The following MAP3K19 variants were observed in gnomAD, a reference collection of about 807,000 sequenced individuals.
The protein encoded by MAP3K19 is SPS1/STE20-related protein kinase YSK4.
Under a neutral mutation model 114.4 loss-of-function variants are expected in MAP3K19, and 91 were observed. That is an observed-to-expected ratio of 0.80 (90% CI 0.67 to 0.95). MAP3K19 has a LOEUF of 0.95. MAP3K19 is among the 40% of genes least tolerant of loss of function. MAP3K19 has a pLI of 0.00. For missense variants in MAP3K19, 1,471 were observed against 1,573.2 expected (o/e 0.94, Z 1.10); for synonymous variants, 518 against 530.5 (o/e 0.98, Z 0.32).
In MAP3K19 at chr2:134,964,630, G is replaced by T; in HGVS notation, c.*220C>A. On this transcript the variant is annotated 3_prime_UTR_variant, in exon 13 of 13. Coordinates refer to ENST00000392915, the MANE Select transcript of MAP3K19 (RefSeq NM_025052.5). ...GTAAACACTGAAATAGTTTTTTGTT[G>T]TTATTAAGAACATGTTTTCTGATAC... is the stretch of plus-strand genomic sequence containing the variant. The T allele has an allele frequency of 2.7e-6, 1 of 363,658 alleles. No individual in the cohort carries two copies. The highest frequency in any genetic ancestry group is 5.1e-6 in the Non-Finnish European group (1 of 197,360). The allele number at this position is 363,658 out of a possible 1,614,324, so 22.5% of individuals were successfully genotyped here.
At chr2:135,024,501 T>G (rs2105378477) in intron 4 of MAP3K19, 125 bp downstream of exon 4, 1 of 895,026 alleles carries the variant, frequency 1.1e-6, no homozygotes, top group East Asian at 2.4e-5. Flanking sequence ...ACAGAGTCAC[T>G]GCTCCATAAA....
rs558119207 is a variant in MAP3K19 at position 135,041,350 on chromosome 2, T to C, written c.-423-848A>G. Reference sequence around the variant, plus strand: ...TCCTGCATGGAACCTTTTTTTTTTTTTTAATTTTGAGATAGAGTCTCACTC... The same window carrying C: ...TCCTGCATGGAACCTTTTTTTTTTTCTTAATTTTGAGATAGAGTCTCACTC... On this transcript the variant is annotated intron_variant, in intron 1 of 12. Transcript: ENST00000392915. 8.5e-5 allele frequency among the ~76,000 whole-genome samples: 13 copies of C among 152,050 alleles called. No individual in the cohort carries two copies. The South Asian group carries it at 2.3e-3, about 27-fold the overall frequency.
At chr2:134,967,972 A>G (rs4420752) in intron 12 of MAP3K19, among the ~76,000 whole-genome samples, 145 of 152,018 alleles carry the variant, frequency 9.5e-4, no homozygotes, top group Admixed American at 5.0e-3. Context: ...AAGTGAACAA[A>G]GGTCTCTGGT....
chr2:134,970,619 A>G (rs1402616555), intron 12 of MAP3K19, among the ~76,000 whole-genome samples: 2 of 123,328 alleles, frequency 1.6e-5, no homozygotes, highest in African/African-American at 3.0e-5. Context: ...TTTTTTTTAG[A>G]TGGAGTCTCA....
rs1267803321 is a variant in MAP3K19, at chr2:134,981,186, G to A, written c.3555C>T (p.Arg1185=). The A allele has an allele frequency of 1.9e-5, 30 of 1,613,846 alleles. No individual in the cohort carries two copies. The East Asian group carries it at 2.9e-4, about 16-fold the overall frequency. Residue 1185 remains arginine, a synonymous_variant, in exon 12 of 13, where the codon CGC becomes CGT. Coordinates refer to ENST00000392915, the MANE Select transcript of MAP3K19 (RefSeq NM_025052.5). The part of the protein sequence containing the change: ...AYLHENCVVH[R]DIKGNNVMLM... ...GCATAACATTATTTCCTTTGATATC[G>A]CGATGTACCACACAGTTCTCATGGA...
chr2:135,018,025 C>T (rs749726200), intron 5 of MAP3K19, among the ~76,000 whole-genome samples: 4 of 152,170 alleles, frequency 2.6e-5, no homozygotes, highest in Admixed American at 6.5e-5. Flanking sequence ...GGTACGGTGG[C>T]TCATGCCTGT....
intron 12 of MAP3K19, among the ~76,000 whole-genome samples, chr2:134,974,148 T>G (rs568859139): frequency 5.6e-4 from 86 of 152,214 alleles, no homozygotes; most frequent in African/African-American, 2.0e-3. Flanking sequence ...ATTACAGGCA[T>G]GTACCACCAC....
chr2:134,986,302 G>A lies in MAP3K19; in HGVS notation c.2570C>T (p.Ala857Val). Residue 857 changes from alanine to valine, a missense_variant, in exon 10 of 13, where the codon GCA becomes GTA. Coordinates refer to ENST00000392915, the MANE Select transcript of MAP3K19 (RefSeq NM_025052.5). Reference sequence around the variant, plus strand: ...GTTAGAATTCTTCTCACTGGGCACTGCCCAGCTGTCTTCTGAAGGGATAAA... The same window carrying A: ...GTTAGAATTCTTCTCACTGGGCACTACCCAGCTGTCTTCTGAAGGGATAAA... ...IPFIPSEDSW[A>V]VPSEKNSNKY... 1 of 1,613,984 alleles carries A rather than the reference G, an allele frequency of 6.2e-7. No homozygotes were observed. The highest frequency in any genetic ancestry group is 8.5e-7 in the Non-Finnish European group (1 of 1,179,982).
intron 5 of MAP3K19, among the ~76,000 whole-genome samples, chr2:135,009,667 G>A (rs895673337): frequency 6.6e-6 from 1 of 152,024 alleles, no homozygotes; most frequent in Non-Finnish European, 1.5e-5. Flanking sequence ...AGCCGGCAGT[G>A]TGGTCATACC....
At chr2:134,983,907 T>A in intron 10 of MAP3K19, 82 bp from the exon 11 acceptor site, 3 of 948,734 alleles carry the variant, frequency 3.2e-6, no homozygotes, top group Non-Finnish European at 4.6e-6. Flanking sequence ...TAAAGTCTTC[T>A]TTTCAAATGT....
intron 8 of MAP3K19, among the ~76,000 whole-genome samples, chr2:134,994,831 G>A (rs1323733315): frequency 2.6e-5 from 4 of 152,172 alleles, no homozygotes; most frequent in Non-Finnish European, 5.9e-5. Flanking sequence ...ACTGATATGT[G>A]AGGATATGTG....
At chr2:135,026,952 G>T (rs1243401846) in intron 3 of MAP3K19, among the ~76,000 whole-genome samples, 1 of 152,186 alleles carries the variant, frequency 6.6e-6, no homozygotes, top group African/African-American at 2.4e-5. Flanking sequence ...TTATGATGAT[G>T]CATGTGCATT....
Position 134,986,460 on chromosome 2 carries a change from G to A in MAP3K19, c.2412C>T (p.Val804=). Residue 804 remains valine, a synonymous_variant, in exon 10 of 13, where the codon GTC becomes GTT. Coordinates refer to ENST00000392915, the MANE Select transcript of MAP3K19 (RefSeq NM_025052.5). ...QSMKQNEFPP[V]SDLSIVEEVS... ...CTTCTTCAACAATGGATAAATCTGA[G>A]ACAGGAGGGAATTCATTCTGTTTCA... 6.2e-7 allele frequency: 1 copy of A among 1,614,090 alleles called. No individual in the cohort carries two copies.
chr2:134,969,289 C>A (rs1316275819), intron 12 of MAP3K19, among the ~76,000 whole-genome samples: 1 of 151,996 alleles, frequency 6.6e-6, no homozygotes, highest in Admixed American at 6.5e-5. Context: ...TGCAGTGAGC[C>A]GAGATGGCAG....
At position 134,987,490 on chromosome 2, in the gene MAP3K19, C is replaced by A; in HGVS notation, c.1382G>T (p.Ser461Ile). 1 of 1,614,204 alleles carries A rather than the reference C, an allele frequency of 6.2e-7. No individual in the cohort carries two copies. Among genetic ancestry groups the A allele is most frequent in the Non-Finnish European group, 8.5e-7 (1 of 1,180,046 alleles). Residue 461 changes from serine (S) to isoleucine (I), a missense_variant, in exon 10 of 13, where the codon AGC (serine) becomes ATC (isoleucine). Transcript: ENST00000392915. ...PIDKLPEGCS[S>I]METNIKISIA... Reference sequence around the variant, plus strand: ...TGATATTTTTATGTTTGTCTCCATGCTGCTACAACCTTCTGGGAGTTTATC... The same window carrying A: ...TGATATTTTTATGTTTGTCTCCATGATGCTACAACCTTCTGGGAGTTTATC...
chr2:134,994,738 T>C (rs1685860950), intron 8 of MAP3K19, among the ~76,000 whole-genome samples: 1 of 152,224 alleles, frequency 6.6e-6, no homozygotes, highest in African/African-American at 2.4e-5. Context: ...GTTCTCCACC[T>C]ATTCAGCTCC....
chr2:134,969,223 G>A (rs1157360221), intron 12 of MAP3K19, among the ~76,000 whole-genome samples: 1 of 152,092 alleles, frequency 6.6e-6, no homozygotes, highest in African/African-American at 2.4e-5. Context: ...GTGGCGGCGC[G>A]TGCCTGTAAT....
chr2:135,020,739 C>A (rs1046961811), intron 5 of MAP3K19, among the ~76,000 whole-genome samples: 2 of 152,158 alleles, frequency 1.3e-5, no homozygotes, highest in African/African-American at 4.8e-5. Flanking sequence ...GGAGTTCTCA[C>A]AAGATCTGAT....
intron 2 of MAP3K19, among the ~76,000 whole-genome samples, chr2:135,035,726 A>C (rs891307089): frequency 2.0e-5 from 3 of 152,148 alleles, no homozygotes; most frequent in Non-Finnish European, 2.9e-5. Context: ...GCATGCCTTT[A>C]TGGCTTTGCA....
Sources: gnomAD v4.1 joint callset for allele counts (sites outside exome capture counted in the v4.1 genomes callset) on GRCh38, gnomAD v4.1.1 for gene constraint, MANE v1.5 for transcripts, NCBI Gene and HGNC (gene_info 2026-07-23, HGNC 2026-07-21) for gene names.